Variants in BLM observed in about 807,000 individuals in gnomAD.
The protein encoded by BLM is recQ-like DNA helicase BLM.
Under a neutral mutation model 135.3 loss-of-function variants are expected in BLM, and 95 were observed. The ratio of observed to expected loss-of-function variants is 0.70; its 90% CI spans 0.59 to 0.83. BLM has a LOEUF of 0.83. Among genes scored for constraint, BLM ranks in the 40% least tolerant of loss-of-function variants. The probability of loss-of-function intolerance (pLI) is 0.00; values close to 1 mark genes in which losing one functional copy is unlikely to be tolerated. For synonymous variants in BLM, 520 were observed against 589.2 expected (o/e 0.88, Z 1.70); for missense variants, 1,518 against 1,663.9 (o/e 0.91, Z 1.53).
chr15:90,754,034 T>A (rs28385000), intron 4 of BLM, among the ~76,000 whole-genome samples: 1,737 of 152,346 alleles, frequency 0.011, 26 homozygotes, highest in East Asian at 0.026. Context: ...TTCCCAGATG[T>A]CAAGCAAATA....
chr15:90,736,910 G>A (rs1203771224), intron 1 of BLM, among the ~76,000 whole-genome samples: 2 of 152,314 alleles, frequency 1.3e-5, no homozygotes, highest in South Asian at 2.1e-4. Context: ...AGATGGCAAA[G>A]GATGGAGAGG....
intron 20 of BLM, among the ~76,000 whole-genome samples, chr15:90,810,211 C>T (rs1897379182): frequency 6.6e-6 from 1 of 152,022 alleles, no homozygotes; most frequent in South Asian, 2.1e-4. Flanking sequence ...CACCACCACA[C>T]CTGACTTATT....
At position 90,717,410 on chromosome 15, in the gene BLM, T is replaced by C. The variant is rs1357674807; in HGVS notation, c.-35T>C. On this transcript the variant is annotated 5_prime_UTR_variant, in exon 1 of 22. Transcript: ENST00000355112. ...GTTGCGGCGCGGGAAGTTTGGATCC[T>C]GGTTCCGTCCGCTAGGAGTCTGCGT... is the stretch of plus-strand genomic sequence containing the variant. The C allele has an allele frequency of 6.6e-6, 1 of 152,426 alleles. No homozygotes were observed. The highest frequency in any genetic ancestry group is 2.4e-5 in the African/African-American group (1 of 41,474). The allele number at this position is 152,426 out of a possible 1,614,324, so 9.4% of individuals were successfully genotyped here.
intron 11 of BLM, 32 bp downstream of exon 11, chr15:90,769,263 G>A (rs778782976): frequency 4.5e-6 from 7 of 1,559,132 alleles, no homozygotes; most frequent in South Asian, 1.1e-5. Flanking sequence ...CGGAAATACC[G>A]ATAAATACAT....
intron 12 of BLM, among the ~76,000 whole-genome samples, chr15:90,777,770 C>T (rs1369004128): frequency 2.0e-5 from 3 of 152,242 alleles, no homozygotes; most frequent in African/African-American, 7.2e-5. Context: ...ATTGTACAAC[C>T]ATCCCCAATA....
Position 90,734,653 on chromosome 15 carries a change from A to G in BLM, c.-4-12736A>G, listed in dbSNP as rs112800966. 5.2e-3 allele frequency among the ~76,000 whole-genome samples: 784 copies of G among 150,438 alleles called. 8 individuals carry two copies. The highest frequency in any genetic ancestry group is 0.018 in the African/African-American group (732 of 40,764). ...CTGTCTCTGTCTCTCACGCACACATACACACACACGCGCGCACGCACGCAC... is the reference window on the plus strand; with the variant it reads ...CTGTCTCTGTCTCTCACGCACACATGCACACACACGCGCGCACGCACGCAC... On this transcript the variant is annotated intron_variant, in intron 1 of 21. Coordinates refer to ENST00000355112, the MANE Select transcript of BLM (RefSeq NM_000057.4).
intron 8 of BLM, among the ~76,000 whole-genome samples, chr15:90,765,086 CA>C (rs958353673): frequency 3.3e-5 from 5 of 151,310 alleles, no homozygotes; most frequent in South Asian, 2.1e-4. Flanking sequence ...AAAACAAAAA[CA>C]AAAAAAACAC....
intron 10 of BLM, among the ~76,000 whole-genome samples, chr15:90,767,471 TTCTC>T (rs1161364600): frequency 1.3e-5 from 2 of 152,240 alleles, no homozygotes; most frequent in Non-Finnish European, 2.9e-5. Context: ...TGTAAACAGT[TTCTC>T]TCTCTTAATA....
chr15:90,771,255 G>A (rs138202386), intron 12 of BLM, among the ~76,000 whole-genome samples: 66 of 152,332 alleles, frequency 4.3e-4, no homozygotes, highest in African/African-American at 1.5e-3. Flanking sequence ...GGGAGGCCGA[G>A]GCAGGTGGAT....
chr15:90,725,279 T>G lies in BLM; in HGVS notation c.-5+7839T>G, dbSNP rs184017651. Among the ~76,000 whole-genome samples, 331 of 152,274 alleles carry G rather than the reference T, an allele frequency of 2.2e-3. 2 individuals carry two copies. The highest frequency in any genetic ancestry group is 7.7e-3 in the African/African-American group (318 of 41,554). ...AGAGTGTGTATGTTTTACCTTACTA[T>G]GTAATACTAAATTGTTTTCAAAAGT... On this transcript the variant is annotated intron_variant, in intron 1 of 21. Transcript: ENST00000355112.
At chr15:90,772,479 T>A (rs60909729) in intron 12 of BLM, among the ~76,000 whole-genome samples, 30,487 of 152,118 alleles carry the variant, frequency 0.2, 4,851 homozygotes, top group African/African-American at 0.45. Flanking sequence ...TAAGTGTATT[T>A]ACCTCCTTGT....
At position 90,723,653 on chromosome 15, in the gene BLM, TA is replaced by T. The variant is rs1189054837; in HGVS notation, c.-5+6222del. Among the ~76,000 whole-genome samples, 4 of 151,900 alleles carry T rather than the reference TA, an allele frequency of 2.6e-5. No individual in the cohort carries two copies. In the South Asian group the frequency reaches 8.3e-4, roughly 32 times the overall value. On this transcript the variant is annotated intron_variant, in intron 1 of 21. Transcript: ENST00000355112. ...GAGTGACAGAGCAAGACCTTGTCTC[TA>T]AAAAAAAATTTTTTTAAATTGTTTT...
rs1200645654 is a variant in BLM at position 90,742,310 on chromosome 15, G to A, written c.-4-5079G>A. On this transcript the variant is annotated intron_variant, in intron 1 of 21. Coordinates refer to ENST00000355112, the MANE Select transcript of BLM (RefSeq NM_000057.4). The stretch of plus-strand genomic sequence containing the variant: ...AGTCACTGAGTGAGGCTTACAGAGC[G>A]ACGCTCTGTTTTTCAGGAACCACCC... Among the ~76,000 whole-genome samples the A allele has an allele frequency of 6.6e-5, 10 of 152,164 alleles. No individual in the cohort carries two copies. In the South Asian group the frequency reaches 1.0e-3, roughly 16 times the overall value.
intron 5 of BLM, among the ~76,000 whole-genome samples, chr15:90,755,936 C>T (rs1895805631): frequency 6.6e-6 from 1 of 151,964 alleles, no homozygotes; most frequent in African/African-American, 2.4e-5. Flanking sequence ...GTGTAGTGTT[C>T]TCTGTGTGTT....
At chr15:90,781,443 G>A (rs996378094) in intron 12 of BLM, among the ~76,000 whole-genome samples, 2 of 152,122 alleles carry the variant, frequency 1.3e-5, no homozygotes, top group Non-Finnish European at 2.9e-5. Context: ...TGGCCAACAT[G>A]GTGAAACCCC....
chr15:90,811,709 G>A (rs1368938771), intron 21 of BLM, among the ~76,000 whole-genome samples: 4 of 152,160 alleles, frequency 2.6e-5, no homozygotes, highest in Admixed American at 2.6e-4. Context: ...CCAGGCTAGA[G>A]TGCAGTGGCA....
chr15:90,769,676 C>T, intron 12 of BLM, 90 bp downstream of exon 12: 1 of 1,379,496 alleles, frequency 7.2e-7, no homozygotes, highest in Non-Finnish European at 1.0e-6. Context: ...CGCTTTAACG[C>T]CACCACCCCA....
intron 18 of BLM, 58 bp downstream of exon 18, chr15:90,803,778 A>T (rs1897223180): frequency 2.0e-6 from 3 of 1,510,840 alleles, no homozygotes; most frequent in Non-Finnish European, 1.8e-6. Context: ...AAAATATATT[A>T]TTGTGAAGTA....
At chr15:90,794,380 T>A (rs1260258854) in intron 16 of BLM, 23 bp downstream of exon 16, 4 of 1,491,668 alleles carry the variant, frequency 2.7e-6, no homozygotes, top group Non-Finnish European at 3.6e-6. Flanking sequence ...GTTTTAAAAT[T>A]CTTTATAATT....
Sources: allele counts gnomAD v4.1 joint callset (sites outside exome capture counted in the v4.1 genomes callset), GRCh38; gene constraint gnomAD v4.1.1; transcripts MANE v1.5; gene names NCBI Gene and HGNC (gene_info 2026-07-23, HGNC 2026-07-21).